SLC11A2: variants seen among roughly 807,000 people sequenced by gnomAD.
The protein encoded by SLC11A2 is solute carrier family 11 member 2, also known as natural resistance-associated macrophage protein 2.
Under a neutral mutation model 68.0 loss-of-function variants are expected in SLC11A2, and 38 were observed. The ratio of observed to expected loss-of-function variants is 0.56; its 90% confidence interval spans 0.43 to 0.73. SLC11A2 has a LOEUF of 0.73. Among genes scored for constraint, SLC11A2 ranks in the 30% least tolerant of loss-of-function variants. The probability of loss-of-function intolerance (pLI) is 0.00; values close to 1 mark genes in which losing one functional copy is unlikely to be tolerated. For synonymous variants in SLC11A2, 242 were observed against 250.6 expected (o/e 0.97, Z 0.32); for missense variants, 517 against 690.5 (o/e 0.75, Z 2.82).
downstream of SLC11A2, among the ~76,000 whole-genome samples, chr12:50,976,180 A>T (rs1398010667): frequency 1.3e-5 from 2 of 152,220 alleles, no homozygotes; most frequent in Non-Finnish European, 2.9e-5. Context: ...CCTAGCAGAG[A>T]CACAACAAAA....
At chr12:50,962,326 G>A in the SLC11A2 span, among the ~76,000 whole-genome samples, 32 of 151,924 alleles carry the variant, frequency 2.1e-4, no homozygotes, top group Middle Eastern at 3.4e-3. Flanking sequence ...CAGGAGAATC[G>A]CTTGAATCTG....
At chr12:50,979,645 C>A, downstream of SLC11A2, 2 of 355,928 alleles carry the variant, frequency 5.6e-6, no homozygotes, top group Admixed American at 3.7e-5. Flanking sequence ...GACTCTATAG[C>A]CTGAGTTGCA....
rs1222179295 is a variant in SLC11A2 at position 50,992,918 on chromosome 12, C to T, written c.1089G>A (p.Leu363=). The part of the protein sequence containing the change: ...AVDIYKGGVV[L]GCYFGPAALY... ...GTGCAGCAGGCCCAAAGTAACATCC[C>T]AGCACAACACCCTGTGAGAGGCCAA... Residue 363 remains leucine, a synonymous_variant, in exon 12 of 16, where the codon CTG becomes CTA. Coordinates refer to ENST00000262052, the MANE Select transcript of SLC11A2 (RefSeq NM_000617.3). 1.9e-6 allele frequency: 3 copies of T among 1,613,716 alleles called. No individual in the cohort carries two copies. Among genetic ancestry groups the T allele is most frequent in the Non-Finnish European group, 2.5e-6 (3 of 1,179,944 alleles).
At chr12:50,963,965 A>C in the SLC11A2 span, among the ~76,000 whole-genome samples, 1 of 152,206 alleles carries the variant, frequency 6.6e-6, no homozygotes, top group South Asian at 2.1e-4. Flanking sequence ...ATCCAAAAGC[A>C]TGCTAGTTAT....
chr12:50,961,058 TGA>T, the SLC11A2 span: 673 of 1,613,386 alleles, frequency 4.2e-4, 4 homozygotes, highest in African/African-American at 8.3e-3. Flanking sequence ...CTTATTCACA[TGA>T]GAGTTGCTGC....
chr12:51,019,611 C>G (rs1041700614), intron 1 of SLC11A2, among the ~76,000 whole-genome samples: 41 of 149,220 alleles, frequency 2.7e-4, no homozygotes, highest in African/African-American at 8.6e-4. Context: ...GAAGAAGCAG[C>G]ATTTTCTGAG....
intron 5 of SLC11A2, among the ~76,000 whole-genome samples, chr12:51,001,537 G>A (rs944959869): frequency 2.7e-5 from 4 of 149,126 alleles, no homozygotes; most frequent in African/African-American, 5.0e-5. Context: ...CTCTGCCTAC[G>A]GAATAGCCTT....
intron 2 of SLC11A2, among the ~76,000 whole-genome samples, chr12:51,009,543 G>T (rs556523911): frequency 9.2e-5 from 14 of 152,250 alleles, no homozygotes; most frequent in Admixed American, 9.2e-4. Flanking sequence ...TTTCCATAGG[G>T]AGCTGACTCA....
In SLC11A2 at chr12:51,011,989, C is replaced by A. The variant is rs188718265; in HGVS notation, c.-38-1223G>T. ...ATACAAGCATACTGGTAGTGGAAGG[C>A]CACTATTTGGCAGCCTCAAATCTTC... On this transcript the variant is annotated intron_variant, in intron 1 of 15. Coordinates refer to ENST00000262052, the MANE Select transcript of SLC11A2 (RefSeq NM_000617.3). Among the ~76,000 whole-genome samples the A allele has an allele frequency of 3.3e-5, 5 of 152,260 alleles. No homozygotes were observed. In the East Asian group the frequency reaches 9.6e-4, roughly 29 times the overall value.
chr12:51,027,579 T>C (rs567095918), upstream of SLC11A2, among the ~76,000 whole-genome samples: 2 of 152,188 alleles, frequency 1.3e-5, no homozygotes, highest in South Asian at 4.2e-4. Flanking sequence ...GCAATCCCAC[T>C]CTATCGCCAG....
chr12:51,005,062 C>T (rs914393484), intron 4 of SLC11A2, among the ~76,000 whole-genome samples, 155 bp from the exon 5 acceptor site: 7 of 152,238 alleles, frequency 4.6e-5, no homozygotes, highest in African/African-American at 1.7e-4. Context: ...ACAGATTTTG[C>T]ACATGACCTG....
downstream of SLC11A2, chr12:50,981,455 C>A: frequency 3.5e-6 from 1 of 282,826 alleles, no homozygotes; most frequent in East Asian, 7.0e-5. Context: ...CTTTTAAATC[C>A]CAGAGTCCAA....
the SLC11A2 span, among the ~76,000 whole-genome samples, chr12:50,957,666 C>T: frequency 6.6e-6 from 1 of 151,860 alleles, no homozygotes; most frequent in South Asian, 2.1e-4. Flanking sequence ...GGGCAGACCA[C>T]CTGAGGTAAG....
At chr12:51,020,103 C>T (rs528741267) in intron 1 of SLC11A2, among the ~76,000 whole-genome samples, 1 of 151,776 alleles carries the variant, frequency 6.6e-6, no homozygotes, top group Non-Finnish European at 1.5e-5. Context: ...CAATTATTTA[C>T]ATATTTCTAG....
At chr12:51,009,474 T>TTTTG (rs1943026895) in intron 2 of SLC11A2, among the ~76,000 whole-genome samples, 2 of 152,260 alleles carry the variant, frequency 1.3e-5, no homozygotes, top group African/African-American at 4.8e-5. Flanking sequence ...CACAAAGCTC[T>TTTTG]AATCTCTGTG....
At chr12:51,027,585 G>T (rs1250932614), upstream of SLC11A2, among the ~76,000 whole-genome samples, 1 of 152,006 alleles carries the variant, frequency 6.6e-6, no homozygotes, top group Non-Finnish European at 1.5e-5. Context: ...CCACTCTATC[G>T]CCAGTTTCAG....
downstream of SLC11A2, among the ~76,000 whole-genome samples, chr12:50,978,406 G>A (rs1233042316): frequency 9.5e-5 from 14 of 147,680 alleles, no homozygotes; most frequent in Non-Finnish European, 1.6e-4. Flanking sequence ...AAAACCAAAC[G>A]TCGCATGTTC....
Position 50,986,348 on chromosome 12 carries a change from C to A in SLC11A2, c.*1977G>T. ...ATGCACTTTCTGTGAAGATCAAATG[C>A]AATAACGTATGAGGGTATTTTTAAC... On this transcript the variant is annotated 3_prime_UTR_variant, in exon 16 of 16. Coordinates refer to ENST00000262052, the MANE Select transcript of SLC11A2 (RefSeq NM_000617.3). The A allele has an allele frequency of 7.8e-7, 1 of 1,282,944 alleles. No homozygotes were observed. The highest frequency in any genetic ancestry group is 1.5e-5 in the African/African-American group (1 of 65,832). 79.5% of individuals were successfully genotyped at this position (1,282,944 alleles called of 1,614,324 possible).
At chr12:51,023,300 A>G (rs533586702) in intron 1 of SLC11A2, among the ~76,000 whole-genome samples, 1 of 152,340 alleles carries the variant, frequency 6.6e-6, no homozygotes, top group South Asian at 2.1e-4. Flanking sequence ...ATTAAAAATT[A>G]GCTGAGCATG....
Sources: allele counts gnomAD v4.1 joint callset (sites outside exome capture counted in the v4.1 genomes callset), GRCh38; gene constraint gnomAD v4.1.1; transcripts MANE v1.5; gene names NCBI Gene and HGNC (gene_info 2026-07-23, HGNC 2026-07-21).